EPHB1: variants seen among roughly 807,000 people sequenced by gnomAD.
EPHB1 encodes the protein EPH receptor B1, also known as ephrin type-B receptor 1.
Under a neutral mutation model 94.4 loss-of-function variants are expected in EPHB1, and 30 were observed. The observed-to-expected ratio is 0.32, with a 90% CI of 0.24 to 0.43. The LOEUF (loss-of-function observed/expected upper bound fraction) is 0.43. EPHB1 is among the 20% of genes least tolerant of loss of function. The pLI is 1.00. For synonymous variants in EPHB1, 522 were observed against 489.1 expected (o/e 1.07, Z -0.89); for missense variants, 1,055 against 1,308.3 (o/e 0.81, Z 2.99).
chr3:135,151,978 A>G (rs114124884), intron 5 of EPHB1, among the ~76,000 whole-genome samples: 5 of 152,324 alleles, frequency 3.3e-5, no homozygotes, highest in African/African-American at 9.6e-5. Flanking sequence ...ATTAATAGAT[A>G]TATAATACAC....
At chr3:135,258,223 G>T (rs1363851188) in intron 15 of EPHB1, among the ~76,000 whole-genome samples, 1 of 152,154 alleles carries the variant, frequency 6.6e-6, no homozygotes, top group Non-Finnish European at 1.5e-5. Context: ...GGCCATCTTG[G>T]CTCCTCCAAT....
rs540537853 is a variant in EPHB1, at chr3:135,061,627, A to G, written c.806-44821A>G. On this transcript the variant is annotated intron_variant, in intron 3 of 15. Coordinates refer to ENST00000398015, the MANE Select transcript of EPHB1 (RefSeq NM_004441.5). ...TTTTTTTAATTATACTTTAAGTTTT[A>G]GGGTACATGTGCACAACATGCAGGT... Among the ~76,000 whole-genome samples the G allele has an allele frequency of 1.7e-3, 265 of 151,554 alleles. 1 individual carries two copies. The highest frequency in any genetic ancestry group is 6.2e-3 in the African/African-American group (255 of 41,250).
chr3:135,245,213 G>C (rs553928968), intron 13 of EPHB1, among the ~76,000 whole-genome samples: 12 of 152,294 alleles, frequency 7.9e-5, no homozygotes, highest in African/African-American at 2.6e-4. Flanking sequence ...TCTGCGCTGT[G>C]CTCAACACGC....
At chr3:135,169,510 T>C (rs1028697621) in intron 9 of EPHB1, among the ~76,000 whole-genome samples, 11 of 152,208 alleles carry the variant, frequency 7.2e-5, no homozygotes, top group Admixed American at 1.3e-4. Context: ...TTGAATTGCA[T>C]TTGTGCGTTT....
At chr3:134,923,381 A>G (rs2038726769) in intron 1 of EPHB1, among the ~76,000 whole-genome samples, 1 of 152,142 alleles carries the variant, frequency 6.6e-6, no homozygotes, top group African/African-American at 2.4e-5. Flanking sequence ...CTGTCCACAC[A>G]GGCACCTGCT....
chr3:134,801,983 C>T (rs111575467), intron 1 of EPHB1, among the ~76,000 whole-genome samples: 2 of 152,228 alleles, frequency 1.3e-5, no homozygotes, highest in Non-Finnish European at 2.9e-5. Flanking sequence ...TTCTATCTGA[C>T]TTAAAGTACA....
intron 1 of EPHB1, chr3:134,852,694 T>A (rs112904585): frequency 2.0e-4 from 30 of 151,878 alleles, no homozygotes; most frequent in African/African-American, 7.0e-4. Context: ...TGTCTGTGCA[T>A]GTGTGTGTGA....
At chr3:135,130,981 T>A (rs1304783358) in intron 4 of EPHB1, among the ~76,000 whole-genome samples, 1 of 152,282 alleles carries the variant, frequency 6.6e-6, no homozygotes, top group Admixed American at 6.5e-5. Context: ...GTGACCAATA[T>A]GGATGGTAAT....
chr3:135,151,125 T>C (rs143280534), intron 5 of EPHB1, among the ~76,000 whole-genome samples: 9 of 152,348 alleles, frequency 5.9e-5, no homozygotes, highest in South Asian at 2.1e-4. Flanking sequence ...AGCAGTGCTG[T>C]GATTGGCTTC....
intron 6 of EPHB1, among the ~76,000 whole-genome samples, chr3:135,161,668 G>C (rs1317355174): frequency 6.6e-6 from 1 of 152,168 alleles, no homozygotes; most frequent in Non-Finnish European, 1.5e-5. Flanking sequence ...TCAGAGACTT[G>C]AGGGGATTTT....
intron 3 of EPHB1, among the ~76,000 whole-genome samples, chr3:134,967,706 C>T (rs1435789501): frequency 1.3e-5 from 2 of 152,184 alleles, no homozygotes; most frequent in Non-Finnish European, 2.9e-5. Context: ...AAATAAATTG[C>T]TTTTTCTTTA....
chr3:135,190,489 C>T (rs925963991), intron 10 of EPHB1, among the ~76,000 whole-genome samples: 60 of 152,092 alleles, frequency 3.9e-4, no homozygotes, highest in African/African-American at 1.4e-3. Flanking sequence ...ATATATGCTA[C>T]GTATCTACAT....
At chr3:135,227,290 C>T (rs1943424041) in intron 12 of EPHB1, among the ~76,000 whole-genome samples, 1 of 152,082 alleles carries the variant, frequency 6.6e-6, no homozygotes. Flanking sequence ...CAAAATGCTT[C>T]ATAACATTAA....
intron 3 of EPHB1, among the ~76,000 whole-genome samples, chr3:134,967,952 C>G (rs1933826894): frequency 6.6e-6 from 1 of 152,196 alleles, no homozygotes; most frequent in South Asian, 2.1e-4. Context: ...AGGTGTGTTT[C>G]CCTGAACCCT....
At chr3:135,252,362 C>T (rs1450896145) in intron 15 of EPHB1, among the ~76,000 whole-genome samples, 2 of 106,612 alleles carry the variant, frequency 1.9e-5, no homozygotes, top group Non-Finnish European at 3.6e-5. Flanking sequence ...CTATCCCTCC[C>T]CCCTCCCCCC....
intron 3 of EPHB1, among the ~76,000 whole-genome samples, chr3:134,979,146 G>C (rs1193073171): frequency 6.6e-6 from 1 of 152,154 alleles, no homozygotes; most frequent in African/African-American, 2.4e-5. Flanking sequence ...ATTTAGAATG[G>C]TACAGTGTCT....
chr3:135,209,249 G>A (rs1038683624), intron 12 of EPHB1, among the ~76,000 whole-genome samples: 1 of 152,148 alleles, frequency 6.6e-6, no homozygotes, highest in African/African-American at 2.4e-5. Flanking sequence ...AACATAAATG[G>A]ATGCTTAAAC....
At chr3:135,124,528 A>T (rs1243718712) in intron 4 of EPHB1, among the ~76,000 whole-genome samples, 1 of 151,610 alleles carries the variant, frequency 6.6e-6, no homozygotes, top group South Asian at 2.1e-4. Flanking sequence ...ACTGTTCTAA[A>T]CCTTTACTTA....
intron 3 of EPHB1, among the ~76,000 whole-genome samples, chr3:134,959,666 G>A (rs1359798546): frequency 6.6e-6 from 1 of 152,144 alleles, no homozygotes; most frequent in Non-Finnish European, 1.5e-5. Flanking sequence ...GCTCTGACAT[G>A]TTAAGCTGCT....
Sources: allele counts gnomAD v4.1 joint callset (sites outside exome capture counted in the v4.1 genomes callset), GRCh38; gene constraint gnomAD v4.1.1; transcripts MANE v1.5; gene names NCBI Gene and HGNC (gene_info 2026-07-23, HGNC 2026-07-21).